TTC28: variants seen among roughly 807,000 people sequenced by gnomAD.
TTC28 encodes tetratricopeptide repeat domain 28.
A neutral mutation model predicts 198.0 loss-of-function variants in TTC28; 61 were observed. The observed-to-expected ratio is 0.31, with a 90% CI of 0.25 to 0.38. The LOEUF is 0.38. TTC28 is among the 10% of genes least tolerant of loss of function. The probability of loss-of-function intolerance (pLI) is 1.00; values close to 1 mark genes in which losing one functional copy is unlikely to be tolerated. For synonymous variants in TTC28, 1,171 were observed against 1,297.8 expected, an observed-to-expected ratio of 0.90 and a Z score of 2.10; for missense variants, 2,678 against 3,164.0, an observed-to-expected ratio of 0.85 and a Z score of 3.69.
intron 2 of TTC28, among the ~76,000 whole-genome samples, chr22:28,312,749 A>C (rs933242757): frequency 6.6e-6 from 1 of 152,348 alleles, no homozygotes; most frequent in African/African-American, 2.4e-5. Context: ...AATGCCCACA[A>C]GAGAAAGCAG....
intron 12 of TTC28, among the ~76,000 whole-genome samples, chr22:28,086,726 C>G (rs1184748349): frequency 2.6e-5 from 4 of 152,046 alleles, no homozygotes; most frequent in East Asian, 1.9e-4. Context: ...AATCCAGGAG[C>G]TGGTTTTTTG....
intron 12 of TTC28, among the ~76,000 whole-genome samples, chr22:28,084,087 A>G (rs1158466514): frequency 6.6e-6 from 1 of 152,260 alleles, no homozygotes; most frequent in African/African-American, 2.4e-5. Context: ...CTCTGGGGGC[A>G]GGGCACAGAC....
chr22:28,274,961 A>G (rs1932320228), intron 5 of TTC28, among the ~76,000 whole-genome samples: 1 of 142,922 alleles, frequency 7.0e-6, no homozygotes, highest in African/African-American at 2.6e-5. Flanking sequence ...CCTGGGCAAC[A>G]GAGTGAGACT....
intron 5 of TTC28, among the ~76,000 whole-genome samples, chr22:28,211,289 C>T (rs567736248): frequency 9.9e-5 from 15 of 152,184 alleles, no homozygotes; most frequent in African/African-American, 2.6e-4. Context: ...ACAATATTAA[C>T]CTTAAATGTA....
At chr22:28,022,996 T>C in intron 13 of TTC28, among the ~76,000 whole-genome samples, 1 of 152,208 alleles carries the variant, frequency 6.6e-6, no homozygotes. Context: ...GCCTGGCTGC[T>C]CTTCCAGAGA....
intron 1 of TTC28, among the ~76,000 whole-genome samples, chr22:28,658,349 G>A (rs2051691858): frequency 6.6e-6 from 1 of 152,144 alleles, no homozygotes; most frequent in African/African-American, 2.4e-5. Context: ...TAAAGCAGAA[G>A]AGTAATCATA....
chr22:28,201,306 G>A (rs1009012145), intron 5 of TTC28, among the ~76,000 whole-genome samples: 2 of 152,064 alleles, frequency 1.3e-5, no homozygotes, highest in Non-Finnish European at 2.9e-5. Context: ...AAATGTGCAG[G>A]GCGAGAGTAG....
chr22:28,197,308 A>G (rs904771283), intron 5 of TTC28, among the ~76,000 whole-genome samples: 3 of 151,870 alleles, frequency 2.0e-5, no homozygotes, highest in South Asian at 4.2e-4. Flanking sequence ...GATAGCATTA[A>G]GAGATATACC....
intron 2 of TTC28, among the ~76,000 whole-genome samples, chr22:28,455,481 AGGTG>A (rs905259781): frequency 1.3e-5 from 2 of 152,104 alleles, no homozygotes; most frequent in African/African-American, 4.8e-5. Flanking sequence ...TGGGATGCCG[AGGTG>A]GGTGGATCAC....
At chr22:28,661,578 C>A (rs945155307) in intron 1 of TTC28, among the ~76,000 whole-genome samples, 13 of 151,974 alleles carry the variant, frequency 8.6e-5, no homozygotes, top group Non-Finnish European at 1.3e-4. Context: ...TGCCACCATA[C>A]CCGGCTAATT....
chr22:28,677,713 G>C (rs2052022184), intron 1 of TTC28, among the ~76,000 whole-genome samples: 1 of 152,188 alleles, frequency 6.6e-6, no homozygotes, highest in South Asian at 2.1e-4. Context: ...AAGGTGGGCA[G>C]ATCACTTGAG....
intron 4 of TTC28, 97 bp downstream of exon 4, chr22:28,297,482 AG>A (rs1333540078): frequency 1.4e-6 from 2 of 1,382,834 alleles, no homozygotes; most frequent in Non-Finnish European, 1.9e-6. Flanking sequence ...GTGAGCAACC[AG>A]GCGATCACTT....
intron 6 of TTC28, among the ~76,000 whole-genome samples, chr22:28,128,919 T>C (rs1000507004): frequency 1.3e-5 from 2 of 152,164 alleles, no homozygotes; most frequent in African/African-American, 2.4e-5. Context: ...AAGTCGTACC[T>C]GACAATGAGA....
intron 17 of TTC28, among the ~76,000 whole-genome samples, chr22:27,995,755 A>G (rs1022324556): frequency 2.0e-5 from 3 of 152,180 alleles, no homozygotes; most frequent in Admixed American, 1.3e-4. Context: ...CCAAAGCCAC[A>G]TGGCCTGGAA....
chr22:28,467,919 G>A (rs932091364), intron 2 of TTC28, among the ~76,000 whole-genome samples: 3 of 151,906 alleles, frequency 2.0e-5, no homozygotes, highest in East Asian at 3.9e-4. Context: ...ATGCCACTGC[G>A]CCCGGCTAAT....
intron 2 of TTC28, among the ~76,000 whole-genome samples, chr22:28,450,756 G>A (rs1880464890): frequency 6.6e-6 from 1 of 152,076 alleles, no homozygotes; most frequent in South Asian, 2.1e-4. Context: ...CACAACAACT[G>A]GGACTAGGCT....
chr22:28,059,226 A>C (rs75173276), intron 12 of TTC28, among the ~76,000 whole-genome samples: 10,472 of 151,920 alleles, frequency 0.069, 422 homozygotes, highest in South Asian at 0.091. Flanking sequence ...TTTTTCTACT[A>C]TGAACATTTA....
At chr22:28,016,196 G>A (rs567548457) in intron 13 of TTC28, among the ~76,000 whole-genome samples, 3 of 152,146 alleles carry the variant, frequency 2.0e-5, no homozygotes, top group Admixed American at 6.5e-5. Flanking sequence ...CTCTGGAAAC[G>A]TGTAATTACA....
chr22:28,336,836 A>T (rs1018085339), intron 2 of TTC28, among the ~76,000 whole-genome samples: 4 of 151,236 alleles, frequency 2.6e-5, no homozygotes, highest in Admixed American at 6.6e-5. Context: ...TGTCTCTATG[A>T]CCTTCAGTTC....
Sources: allele counts gnomAD v4.1 joint callset (sites outside exome capture counted in the v4.1 genomes callset), GRCh38; gene constraint gnomAD v4.1.1; transcripts MANE v1.5; gene names NCBI Gene and HGNC (gene_info 2026-07-23, HGNC 2026-07-21).